Variants in LARP4 observed in about 807,000 individuals in gnomAD.
The protein encoded by LARP4 is la-related protein 4.
A neutral mutation model predicts 92.9 loss-of-function variants in LARP4; 29 were observed. That is an observed-to-expected ratio of 0.31 (90% CI 0.23 to 0.43). LARP4 has a LOEUF of 0.43. Ranked by LOEUF, LARP4 falls within the 20% of genes least tolerant of loss-of-function variation. The pLI, the probability that LARP4 is intolerant of heterozygous loss-of-function variation, is 1.00. For missense variants in LARP4, 732 were observed against 860.0 expected (o/e 0.85, Z 1.86); for synonymous variants, 279 against 284.1 (o/e 0.98, Z 0.18).
At chr12:50,473,934 T>G in intron 14 of LARP4, 65 bp from the exon 15 acceptor site, 2 of 1,390,490 alleles carry the variant, frequency 1.4e-6, no homozygotes, top group Non-Finnish European at 2.0e-6. Flanking sequence ...CGTTTTCTTC[T>G]GATTAGTTGC....
chr12:50,430,657 C>G, intron 4 of LARP4, 87 bp downstream of exon 4: 1 of 768,826 alleles, frequency 1.3e-6, no homozygotes, highest in Non-Finnish European at 2.1e-6. Flanking sequence ...TATTATTTAA[C>G]TAATTTTTTT....
At chr12:50,445,583 A>T (rs1360987184) in intron 8 of LARP4, among the ~76,000 whole-genome samples, 2 of 151,762 alleles carry the variant, frequency 1.3e-5, no homozygotes, top group Non-Finnish European at 2.9e-5. Context: ...GGACTGATTG[A>T]TGTCACTGAG....
In LARP4 at chr12:50,478,867, A is replaced by T. The variant is rs928518865; in HGVS notation, c.*3003A>T. On this transcript the variant is annotated 3_prime_UTR_variant, in exon 16 of 16. Transcript: ENST00000398473. ...TTTTTTCAGCTGGGTTTTGAGGAAT[A>T]TAAGAGCTTTCAATGATAAAGGTTT... 6.6e-6 allele frequency: 1 copy of T among 152,200 alleles called. No homozygotes were observed. The highest frequency in any genetic ancestry group is 1.5e-5 in the Non-Finnish European group (1 of 68,014). The allele number at this position is 152,200 out of a possible 1,614,324, so 9.4% of individuals were successfully genotyped here. A position where few individuals can be genotyped will look rare whatever the true frequency, so the allele number is the denominator to read the frequency against.
chr12:50,453,992 A>G (rs1487859648), intron 9 of LARP4, among the ~76,000 whole-genome samples: 1 of 152,168 alleles, frequency 6.6e-6, no homozygotes, highest in African/African-American at 2.4e-5. Flanking sequence ...GCATATGACT[A>G]AGAGGTGAGC....
chr12:50,433,780 C>T (rs1950033073), intron 4 of LARP4, among the ~76,000 whole-genome samples: 1 of 151,818 alleles, frequency 6.6e-6, no homozygotes, highest in African/African-American at 2.4e-5. Flanking sequence ...GCTGGGAGTA[C>T]GGGCACGCAC....
intron 15 of LARP4, among the ~76,000 whole-genome samples, chr12:50,474,477 A>G (rs1957328539): frequency 6.6e-6 from 1 of 152,110 alleles, no homozygotes; most frequent in Non-Finnish European, 1.5e-5. Context: ...CCTCCCGGGT[A>G]GCTGGGACTA....
At chr12:50,408,157 T>G (rs1189141138) in intron 1 of LARP4, among the ~76,000 whole-genome samples, 1 of 150,724 alleles carries the variant, frequency 6.6e-6, no homozygotes, top group Non-Finnish European at 1.5e-5. Context: ...TGGGTTTGTA[T>G]GTACTGAGAG....
chr12:50,401,138 G>T lies in LARP4; in HGVS notation c.18+110G>T. On this transcript the variant is annotated intron_variant, in intron 1 of 15. Coordinates refer to ENST00000398473, the MANE Select transcript of LARP4 (RefSeq NM_052879.5). ...CCGGGCCGTACACGCCGCGGAACCG[G>T]CAGATAGGCTGACACAGCACCTGGG... 5.6e-6 allele frequency: 7 copies of T among 1,258,670 alleles called. No homozygotes were observed. In the South Asian group the frequency reaches 8.4e-5, roughly 15 times the overall value. 78.0% of individuals were successfully genotyped at this position (1,258,670 alleles called of 1,614,324 possible). A position where few individuals can be genotyped will look rare whatever the true frequency, so the allele number is the denominator to read the frequency against.
At position 50,446,688 on chromosome 12, in the gene LARP4, A is replaced by G. The variant is rs553695463; in HGVS notation, c.804+5045A>G. 6.9e-4 allele frequency among the ~76,000 whole-genome samples: 105 copies of G among 151,308 alleles called. 1 individual carries two copies. The highest frequency in any genetic ancestry group is 6.6e-3 in the Admixed American group (100 of 15,158). On this transcript the variant is annotated intron_variant, in intron 8 of 15. Coordinates refer to ENST00000398473, the MANE Select transcript of LARP4 (RefSeq NM_052879.5). ...GTGATCCGCCCGCCTCAGCCCCCCA[A>G]AGTACTGGGATTGGAGGCGTGAGCC...
intron 5 of LARP4, among the ~76,000 whole-genome samples, chr12:50,436,880 A>G (rs1015164896): frequency 1.3e-5 from 2 of 152,138 alleles, no homozygotes; most frequent in Admixed American, 1.3e-4. Context: ...TACAAACATT[A>G]ATGGAACATT....
Position 50,453,558 on chromosome 12 carries a change from T to C in LARP4, c.903T>C (p.Tyr301=). 1 of 1,612,576 alleles carries C rather than the reference T, an allele frequency of 6.2e-7. No homozygotes were observed. The highest frequency in any genetic ancestry group is 8.5e-7 in the Non-Finnish European group (1 of 1,178,612). The change falls in exon 9 of 16, where the codon TAT becomes TAC. Residue 301 remains tyrosine, a synonymous_variant. Transcript: ENST00000398473. ...ACCCCATTCAAACTCAAGCACAGTATGCCTCCCCAGTCTTTATGCAGCCTG... is the reference window on the plus strand; with the variant it reads ...ACCCCATTCAAACTCAAGCACAGTACGCCTCCCCAGTCTTTATGCAGCCTG... ...YSHPIQTQAQ[Y]ASPVFMQPVY... is the part of the protein sequence containing the mutation.
chr12:50,468,952 G>A (rs1956543388), intron 13 of LARP4, among the ~76,000 whole-genome samples: 1 of 151,376 alleles, frequency 6.6e-6, no homozygotes, highest in African/African-American at 2.4e-5. Flanking sequence ...CTATGTTCCT[G>A]GGCCTTCTCT....
At position 50,430,582 on chromosome 12, in the gene LARP4, T is replaced by TC; in HGVS notation, c.398+16dup. ...TTCTGTTTTTCACGGTATTGCTGTT[T>TC]CCCCTTTATTGAATTTTATTAGTAG... On this transcript the variant is annotated intron_variant, in intron 4 of 15. Coordinates refer to ENST00000398473, the MANE Select transcript of LARP4 (RefSeq NM_052879.5). 1.3e-6 allele frequency: 2 copies of TC among 1,523,952 alleles called. No individual in the cohort carries two copies. Among genetic ancestry groups the TC allele is most frequent in the Non-Finnish European group, 1.8e-6 (2 of 1,107,834 alleles). The allele number at this position is 1,523,952 out of a possible 1,614,324, so 94.4% of individuals were successfully genotyped here.
At chr12:50,457,229 G>A (rs976300428) in intron 10 of LARP4, among the ~76,000 whole-genome samples, 5 of 130,758 alleles carry the variant, frequency 3.8e-5, no homozygotes, top group Non-Finnish European at 7.7e-5. Context: ...TTTTAAAGAC[G>A]GAGTTTTGCT....
At chr12:50,467,367 T>C (rs888525308) in intron 13 of LARP4, among the ~76,000 whole-genome samples, 12 of 152,050 alleles carry the variant, frequency 7.9e-5, no homozygotes, top group African/African-American at 2.9e-4. Context: ...CTTAGCTCAC[T>C]GCAACCTCTA....
intron 4 of LARP4, among the ~76,000 whole-genome samples, chr12:50,434,654 G>A (rs1354870844): frequency 2.0e-5 from 3 of 149,732 alleles, no homozygotes; most frequent in East Asian, 4.2e-4. Flanking sequence ...TGATCCACCC[G>A]CCTCGGCGTC....
chr12:50,463,684 C>G (rs929528018), intron 12 of LARP4, among the ~76,000 whole-genome samples: 1 of 152,166 alleles, frequency 6.6e-6, no homozygotes, highest in East Asian at 1.9e-4. Flanking sequence ...GCAGCTCCAC[C>G]CCTTTGGCTT....
intron 8 of LARP4, among the ~76,000 whole-genome samples, chr12:50,452,694 T>C (rs976824081): frequency 6.6e-6 from 1 of 152,214 alleles, no homozygotes; most frequent in African/African-American, 2.4e-5. Context: ...TGAGCATTTT[T>C]ACATATGCCT....
At chr12:50,473,351 A>T in intron 13 of LARP4, 64 bp from the exon 14 acceptor site, 2 of 1,218,462 alleles carry the variant, frequency 1.6e-6, no homozygotes, top group Non-Finnish European at 2.4e-6. Context: ...TGTGCTTATT[A>T]GACGTGTATA....
Sources: gnomAD v4.1 joint callset for allele counts (sites outside exome capture counted in the v4.1 genomes callset) on GRCh38, gnomAD v4.1.1 for gene constraint, MANE v1.5 for transcripts, NCBI Gene and HGNC (gene_info 2026-07-23, HGNC 2026-07-21) for gene names.